The following AFF3 variants were observed in gnomAD, a reference collection of about 807,000 sequenced individuals.
AFF3 encodes ALF transcription elongation factor 3.
In AFF3, 32 loss-of-function variants were observed where a neutral mutation model predicts 129.7. The observed-to-expected ratio is 0.25, with a 90% CI of 0.19 to 0.33. The LOEUF (loss-of-function observed/expected upper bound fraction) is 0.33. AFF3 is among the 10% of genes least tolerant of loss of function. AFF3 has a pLI of 1.00. For synonymous variants in AFF3, 644 were observed against 635.4 expected (o/e 1.01, Z -0.20); for missense variants, 1,373 against 1,592.0 (o/e 0.86, Z 2.34).
At chr2:99,758,098 T>G (rs555961147) in intron 8 of AFF3, among the ~76,000 whole-genome samples, 8 of 152,196 alleles carry the variant, frequency 5.3e-5, no homozygotes, top group Non-Finnish European at 5.9e-5. Context: ...CAGCAGTGAA[T>G]CTCTGCAGTG....
chr2:99,717,034 A>G (rs1678466573), intron 11 of AFF3, among the ~76,000 whole-genome samples: 1 of 152,184 alleles, frequency 6.6e-6, no homozygotes, highest in Admixed American at 6.5e-5. Context: ...TTCATTTAAC[A>G]TAAGCTTCTG....
At chr2:99,714,521 A>G (rs896372905) in intron 11 of AFF3, among the ~76,000 whole-genome samples, 1 of 152,214 alleles carries the variant, frequency 6.6e-6, no homozygotes, top group Admixed American at 6.5e-5. Context: ...ACTTAAACAG[A>G]TACAAAAAGG....
chr2:99,887,575 G>A (rs760014522), intron 7 of AFF3, among the ~76,000 whole-genome samples: 8 of 152,232 alleles, frequency 5.3e-5, no homozygotes, highest in Admixed American at 2.6e-4. Context: ...AAATATCTGC[G>A]CTGTTTACCA....
At chr2:99,763,873 G>GT (rs1224804264) in intron 8 of AFF3, among the ~76,000 whole-genome samples, 3 of 152,204 alleles carry the variant, frequency 2.0e-5, no homozygotes, top group African/African-American at 7.2e-5. Context: ...CTGTACACGT[G>GT]TTTTCTGGTC....
At chr2:99,774,047 C>T (rs1313447522) in intron 8 of AFF3, among the ~76,000 whole-genome samples, 1 of 152,162 alleles carries the variant, frequency 6.6e-6, no homozygotes, top group East Asian at 1.9e-4. Flanking sequence ...AGGACCTCTT[C>T]AAGAAGAACT....
At position 100,021,973 on chromosome 2, in the gene AFF3, C is replaced by T. The variant is rs1683633665; in HGVS notation, c.54-13041G>A. On this transcript the variant is annotated intron_variant, in intron 4 of 24. Coordinates refer to ENST00000672756, the MANE Select transcript of AFF3 (RefSeq NM_001386135.1). The stretch of plus-strand genomic sequence containing the variant: ...AAAAAATGTCTGTGACCACAACTTC[C>T]ACACAAGTACTGCGGAGGACATTTC... 2.0e-5 allele frequency among the ~76,000 whole-genome samples: 3 copies of T among 152,164 alleles called. No individual in the cohort carries two copies. The South Asian group carries it at 6.2e-4, about 32-fold the overall frequency.
chr2:99,811,204 C>T (rs184144416), intron 8 of AFF3, among the ~76,000 whole-genome samples: 61 of 152,292 alleles, frequency 4.0e-4, no homozygotes, highest in African/African-American at 1.4e-3. Flanking sequence ...AACTCAGGAC[C>T]TTATGTAAGA....
chr2:99,947,065 T>C (rs1675641158), intron 7 of AFF3, among the ~76,000 whole-genome samples: 1 of 152,176 alleles, frequency 6.6e-6, no homozygotes, highest in Non-Finnish European at 1.5e-5. Flanking sequence ...ATTTATTATG[T>C]CCAAAGCTCT....
At position 99,865,909 on chromosome 2, in the gene AFF3, A is replaced by G. The variant is rs918320047; in HGVS notation, c.874-28385T>C. On this transcript the variant is annotated intron_variant, in intron 7 of 24. Transcript: ENST00000672756. ...CCTATTATGGATAAAATGAGAAGCA[A>G]TGATGGACACTACAGTTCAATCATT... 5.9e-5 allele frequency among the ~76,000 whole-genome samples: 9 copies of G among 152,252 alleles called. No homozygotes were observed. In the East Asian group the frequency reaches 1.7e-3, roughly 29 times the overall value.
chr2:100,007,516 A>T, intron 5 of AFF3, 56 bp from the exon 6 acceptor site: 1 of 1,491,278 alleles, frequency 6.7e-7, no homozygotes, highest in Non-Finnish European at 9.1e-7. Context: ...AACACCGGAG[A>T]TAATCAACAG....
intron 4 of AFF3, among the ~76,000 whole-genome samples, chr2:100,019,920 C>T (rs890998891): frequency 6.6e-6 from 1 of 152,246 alleles, no homozygotes; most frequent in East Asian, 1.9e-4. Flanking sequence ...GCCACTTTCT[C>T]GTGTTTGCTC....
At chr2:100,140,117 A>G (rs1375098793) in intron 1 of AFF3, among the ~76,000 whole-genome samples, 2 of 152,220 alleles carry the variant, frequency 1.3e-5, no homozygotes, top group East Asian at 1.9e-4. Context: ...AAATAATATA[A>G]CAGCATTTTA....
chr2:99,732,296 C>T (rs6708339), intron 10 of AFF3, among the ~76,000 whole-genome samples: 109,072 of 149,472 alleles, frequency 0.73, 40,679 homozygotes, highest in East Asian at 0.92. Context: ...TGCAGTGAGC[C>T]GAGATTGTGC....
chr2:99,875,922 A>G (rs62147619), intron 7 of AFF3, among the ~76,000 whole-genome samples: 4,391 of 152,288 alleles, frequency 0.029, 81 homozygotes, highest in Non-Finnish European at 0.041. Context: ...GCTGAATCCA[A>G]CAGGCTTTTC....
At chr2:99,691,203 A>G (rs1160104594) in intron 11 of AFF3, among the ~76,000 whole-genome samples, 1 of 152,154 alleles carries the variant, frequency 6.6e-6, no homozygotes, top group African/African-American at 2.4e-5. Context: ...CTGCTGGATT[A>G]CCAAGGCTGG....
chr2:100,137,121 C>A (rs181108416), intron 1 of AFF3, among the ~76,000 whole-genome samples: 2 of 152,172 alleles, frequency 1.3e-5, no homozygotes, highest in East Asian at 3.9e-4. Context: ...TTATTTTCAC[C>A]GCGTGGGATC....
chr2:99,827,715 G>A (rs79181525), intron 8 of AFF3, among the ~76,000 whole-genome samples: 3,996 of 151,706 alleles, frequency 0.026, 117 homozygotes, highest in African/African-American at 0.074. Flanking sequence ...ACACACATAC[G>A]ATGGAAAGAA....
chr2:100,055,647 T>C (rs1686709375), intron 4 of AFF3, among the ~76,000 whole-genome samples: 1 of 152,042 alleles, frequency 6.6e-6, no homozygotes, highest in South Asian at 2.1e-4. Flanking sequence ...TCAGCAAACT[T>C]TGTCTGTTAA....
intron 8 of AFF3, among the ~76,000 whole-genome samples, chr2:99,757,698 T>G (rs1682237137): frequency 6.6e-6 from 1 of 152,194 alleles, no homozygotes; most frequent in Non-Finnish European, 1.5e-5. Flanking sequence ...AGCCAACTCC[T>G]AACTCCAGCC....
Sources: gnomAD v4.1 joint callset for allele counts (sites outside exome capture counted in the v4.1 genomes callset) on GRCh38, gnomAD v4.1.1 for gene constraint, MANE v1.5 for transcripts, NCBI Gene and HGNC (gene_info 2026-07-23, HGNC 2026-07-21) for gene names.